The following COL3A1 variants were observed in gnomAD, a reference collection of about 807,000 sequenced individuals.
COL3A1 encodes collagen alpha-1(III) chain.
COL3A1 carries 46 observed loss-of-function variants against 200.9 expected under a neutral mutation model. The ratio of observed to expected loss-of-function variants is 0.23; its 90% confidence interval spans 0.18 to 0.29. The LOEUF (loss-of-function observed/expected upper bound fraction) is 0.29. COL3A1 is among the 10% of genes least tolerant of loss of function. COL3A1 has a pLI of 1.00. For missense variants in COL3A1, 1,367 were observed against 1,917.6 expected (o/e 0.71, Z 5.36); for synonymous variants, 650 against 628.0 (o/e 1.03, Z -0.52).
chr2:189,004,441 A>G, intron 40 of COL3A1, 77 bp downstream of exon 40: 1 of 1,385,864 alleles, frequency 7.2e-7, no homozygotes, highest in Non-Finnish European at 9.9e-7. Flanking sequence ...ATCAAGGATG[A>G]AAAGTTTTTC....
In COL3A1 at chr2:189,002,320, C is replaced by A; in HGVS notation, c.2414C>A (p.Pro805His). The A allele has an allele frequency of 6.2e-7, 1 of 1,614,030 alleles. No individual in the cohort carries two copies. The highest frequency in any genetic ancestry group is 8.5e-7 in the Non-Finnish European group (1 of 1,179,928). The change falls in exon 35 of 51, where the codon CCT (proline) becomes CAT (histidine). Residue 805 changes from proline (P) to histidine (H), a missense_variant. This residue lies in a region of COL3A1 where 846 missense variants were observed against 1,147.9 expected (regional missense o/e 0.74). Coordinates refer to ENST00000304636, the MANE Select transcript of COL3A1 (RefSeq NM_000090.4). ...GSPGERGETG[P>H]PGPAGFPGAP... is the part of the protein sequence containing the mutation. ...CAGGGTGAGAGAGGTGAAACTGGCCCTCCAGGACCTGCTGGTTTCCCTGGT... is the reference window on the plus strand; with the variant it reads ...CAGGGTGAGAGAGGTGAAACTGGCCATCCAGGACCTGCTGGTTTCCCTGGT...
chr2:188,979,285 A>T (rs1048081774), intron 1 of COL3A1, among the ~76,000 whole-genome samples: 8 of 151,930 alleles, frequency 5.3e-5, no homozygotes, highest in Non-Finnish European at 7.4e-5. Context: ...TACTCTTTGG[A>T]GTTGCATAGC....
intron 1 of COL3A1, among the ~76,000 whole-genome samples, chr2:188,978,798 A>T (rs1576457978): frequency 6.6e-6 from 1 of 151,072 alleles, no homozygotes; most frequent in East Asian, 1.9e-4. Flanking sequence ...GTAAAAAAAA[A>T]CTCTCCAGAC....
rs766198859 is a variant in COL3A1 at position 188,992,839 on chromosome 2, T to C, written c.997-48T>C. The stretch of plus-strand genomic sequence containing the variant: ...TCACTTATTTACTAGTATGTCAGCT[T>C]TCATTTAGTTGAAAAAGAGCTCTTG... On this transcript the variant is annotated intron_variant, in intron 14 of 50. Coordinates refer to ENST00000304636, the MANE Select transcript of COL3A1 (RefSeq NM_000090.4). 28 of 1,506,296 alleles carry C rather than the reference T, an allele frequency of 1.9e-5. No individual in the cohort carries two copies. The South Asian group carries it at 2.9e-4, about 16-fold the overall frequency. The allele number at this position is 1,506,296 out of a possible 1,614,324, so 93.3% of individuals were successfully genotyped here.
At position 188,993,478 on chromosome 2, in the gene COL3A1, A is replaced by T. The variant is rs1688231899; in HGVS notation, c.1149+19A>T. On this transcript the variant is annotated intron_variant, in intron 16 of 50. Coordinates refer to ENST00000304636, the MANE Select transcript of COL3A1 (RefSeq NM_000090.4). The stretch of plus-strand genomic sequence containing the variant: ...TCCTCCTGTAAGTATCATAGTTGAG[A>T]GGGAGTAAGCATAGTTTCATGCTTA... 6.5e-7 allele frequency: 1 copy of T among 1,528,344 alleles called. No homozygotes were observed. The highest frequency in any genetic ancestry group is 8.9e-7 in the Non-Finnish European group (1 of 1,127,398). The allele number at this position is 1,528,344 out of a possible 1,614,324, so 94.7% of individuals were successfully genotyped here. A position where few individuals can be genotyped will look rare whatever the true frequency, so the allele number is the denominator to read the frequency against.
Position 189,008,038 on chromosome 2 carries a change from C to A in COL3A1, c.3421C>A (p.Pro1141Thr), listed in dbSNP as rs769386080. The A allele has an allele frequency of 1.2e-6, 2 of 1,613,942 alleles. No individual in the cohort carries two copies. The highest frequency in any genetic ancestry group is 1.7e-6 in the Non-Finnish European group (2 of 1,179,990). ...GSPGPAGPRGPVGPSGPPGKD... is the reference protein window; with the variant it reads ...GSPGPAGPRGTVGPSGPPGKD... Reference sequence around the variant, plus strand: ...TGATGTCATGATACTTTCTTAGGGACCTGTTGGACCCAGTGGACCTCCTGG... The same window carrying A: ...TGATGTCATGATACTTTCTTAGGGAACTGTTGGACCCAGTGGACCTCCTGG... The change falls in exon 47 of 51, where the codon CCT becomes ACT. Residue 1141 changes from proline (P) to threonine (T), a missense_variant. Around this residue, in one of 5 missense-constraint regions of COL3A1, gnomAD observed 846 missense variants for 1,147.9 expected, o/e 0.74. Transcript: ENST00000304636.
chr2:189,010,752 C>T lies in COL3A1; in HGVS notation c.4116C>T (p.Cys1372=), dbSNP rs768240199. Residue 1372 remains cysteine, a synonymous_variant, in exon 50 of 51, where the codon TGC becomes TGT. Coordinates refer to ENST00000304636, the MANE Select transcript of COL3A1 (RefSeq NM_000090.4). ...CTTCCCAGAACATCACATATCACTG[C>T]AAAAATAGCATTGCATACATGGATC... The part of the protein sequence containing the change: ...SRASQNITYH[C]KNSIAYMDQA... 1.2e-6 allele frequency: 2 copies of T among 1,614,058 alleles called. No homozygotes were observed. The highest frequency in any genetic ancestry group is 1.7e-6 in the Non-Finnish European group (2 of 1,180,002).
intron 13 of COL3A1, 62 bp downstream of exon 13, chr2:188,991,784 GT>G: frequency 6.5e-7 from 1 of 1,549,496 alleles, no homozygotes; most frequent in Non-Finnish European, 8.9e-7. Flanking sequence ...TACAGCCTCA[GT>G]AAAGTTTCAG....
chr2:188,990,838 T>A (rs1463903314), intron 10 of COL3A1, among the ~76,000 whole-genome samples, 166 bp from the exon 11 acceptor site: 1 of 152,156 alleles, frequency 6.6e-6, no homozygotes, highest in Non-Finnish European at 1.5e-5. Context: ...TGTTGTAAAA[T>A]CAGTATGAAA....
chr2:188,991,404 T>A, intron 11 of COL3A1, 83 bp from the exon 12 acceptor site: 1 of 915,862 alleles, frequency 1.1e-6, no homozygotes, highest in Non-Finnish European at 1.6e-6. Flanking sequence ...CTCTATAAAC[T>A]TTTCCATAAT....
chr2:189,002,995 C>A lies in COL3A1; in HGVS notation c.2486C>A (p.Ala829Asp). The change falls in exon 36 of 51, where the codon GCT becomes GAT. Residue 829 changes from alanine to aspartate, a missense_variant. By Grantham distance (126) the Ala-to-Asp change is moderately radical (BLOSUM62 -2). Coordinates refer to ENST00000304636, the MANE Select transcript of COL3A1 (RefSeq NM_000090.4). ...CCTGGTGGTAAAGGAGAAAGAGGGG[C>A]TCCGGGTGAGAAAGGTGAAGGAGGC... The part of the protein sequence containing the change: ...GEPGGKGERG[A>D]PGEKGEGGPP... The A allele has an allele frequency of 6.4e-7, 1 of 1,551,752 alleles. No individual in the cohort carries two copies.
intron 6 of COL3A1, among the ~76,000 whole-genome samples, 163 bp from the exon 7 acceptor site, chr2:188,988,427 C>T (rs1688108630): frequency 6.6e-6 from 1 of 152,080 alleles, no homozygotes. Context: ...GAATGAAATA[C>T]ATTAACTTCA....
At chr2:188,981,563 T>A (rs1687953172) in intron 1 of COL3A1, among the ~76,000 whole-genome samples, 2 of 151,388 alleles carry the variant, frequency 1.3e-5, no homozygotes, top group South Asian at 4.2e-4. Context: ...TTGGAAAAAA[T>A]TAACTTATTT....
rs373392096 is a variant in COL3A1, at chr2:188,992,913, C to T, written c.1023C>T (p.Ala341=). 1.2e-5 allele frequency: 20 copies of T among 1,613,768 alleles called. No individual in the cohort carries two copies. Among genetic ancestry groups the T allele is most frequent in the African/African-American group, 4.0e-5 (3 of 74,892 alleles). ...GCCCTCCTGGTCCTCCTGGAACTGCCGGATTCCCTGGATCCCCTGGTGCTA... is the reference window on the plus strand; with the variant it reads ...GCCCTCCTGGTCCTCCTGGAACTGCTGGATTCCCTGGATCCCCTGGTGCTA... ...QPGPPGPPGT[A]GFPGSPGAKG... The change falls in exon 15 of 51, where the codon GCC becomes GCT. Residue 341 remains alanine (A), a synonymous_variant. Transcript: ENST00000304636.
At position 188,988,642 on chromosome 2, in the gene COL3A1, C is replaced by T. The variant is rs1191990780; in HGVS notation, c.635C>T (p.Ser212Leu). ...PPGEPGQAGP[S>L]GPPGPPGAIG... is the part of the protein sequence containing the mutation. ...GGTGAACCTGGGCAAGCTGGTCCTT[C>T]AGTAAGTAACAATTAAATTTATATT... The change falls in exon 7 of 51, where the codon TCA becomes TTA. Residue 212 changes from serine to leucine, a missense_variant and splice_region_variant. Around this residue, in one of 5 missense-constraint regions of COL3A1, gnomAD observed 462 missense variants for 681.4 expected, o/e 0.68. Coordinates refer to ENST00000304636, the MANE Select transcript of COL3A1 (RefSeq NM_000090.4). The T allele has an allele frequency of 6.3e-7, 1 of 1,599,874 alleles. No individual in the cohort carries two copies. The highest frequency in any genetic ancestry group is 1.3e-5 in the African/African-American group (1 of 74,598).
At chr2:188,990,216 T>C in intron 9 of COL3A1, 67 bp downstream of exon 9, 6 of 1,587,826 alleles carry the variant, frequency 3.8e-6, no homozygotes, top group Non-Finnish European at 5.2e-6. Flanking sequence ...TGTAATTCAA[T>C]GGAATTAAAC....
intron 1 of COL3A1, among the ~76,000 whole-genome samples, chr2:188,983,342 T>C (rs1406330779): frequency 1.3e-5 from 2 of 151,988 alleles, no homozygotes; most frequent in Admixed American, 1.3e-4. Flanking sequence ...TCAAGTGTCT[T>C]GTACAATATC....
Position 189,007,900 on chromosome 2 carries a change from C to G in COL3A1, c.3379C>G (p.Gln1127Glu), listed in dbSNP as rs145712671. The change falls in exon 46 of 51, where the codon CAG (glutamine) becomes GAG (glutamate). Residue 1127 changes from glutamine to glutamate, a missense_variant. Around this residue, in one of 5 missense-constraint regions of COL3A1, gnomAD observed 846 missense variants for 1,147.9 expected, o/e 0.74. Coordinates refer to ENST00000304636, the MANE Select transcript of COL3A1 (RefSeq NM_000090.4). ...TTCTTTCCAGGGCCCTGCTGGTCAG[C>G]AGGGTGCAATCGGCAGTCCAGGACC... ...APGSPGPAGQ[Q>E]GAIGSPGPAG... 2.5e-6 allele frequency: 4 copies of G among 1,613,982 alleles called. No individual in the cohort carries two copies. Among genetic ancestry groups the G allele is most frequent in the African/African-American group, 1.3e-5 (1 of 74,930 alleles).
rs1047517619 is a variant in COL3A1 at position 188,999,442 on chromosome 2, T to C, written c.2122-28T>C. On this transcript the variant is annotated intron_variant, in intron 30 of 50. Coordinates refer to ENST00000304636, the MANE Select transcript of COL3A1 (RefSeq NM_000090.4). ...AAAAATGCATTTGATTTCCTTCTGA[T>C]CATTTATTATTTCTCACTTATTTTC... is the stretch of plus-strand genomic sequence containing the variant. The C allele has an allele frequency of 2.5e-6, 4 of 1,614,024 alleles. No individual in the cohort carries two copies. The African/African-American group carries it at 5.3e-5, about 22-fold the overall frequency.
Sources: gnomAD v4.1 joint callset for allele counts (sites outside exome capture counted in the v4.1 genomes callset) on GRCh38, gnomAD v4.1.1 for gene constraint, gnomAD v4.1.1 regional missense constraint, MANE v1.5 for transcripts, NCBI Gene and HGNC (gene_info 2026-07-23, HGNC 2026-07-21) for gene names.